DEPDC5: variants seen among roughly 807,000 people sequenced by gnomAD.
DEPDC5 encodes DEP domain containing 5, GATOR1 subcomplex subunit.
Under a neutral mutation model 217.3 loss-of-function variants are expected in DEPDC5, and 73 were observed. That is an observed-to-expected ratio of 0.34 (90% CI 0.28 to 0.41). DEPDC5 has a LOEUF of 0.41. DEPDC5 is among the 10% of genes least tolerant of loss of function. The pLI is 1.00. For synonymous variants in DEPDC5, 733 were observed against 756.7 expected, an observed-to-expected ratio of 0.97 and a Z score of 0.51; for missense variants, 1,675 against 2,070.1, an observed-to-expected ratio of 0.81 and a Z score of 3.70.
At chr22:31,766,793 C>T (rs1024287795) in intron 6 of DEPDC5, 125 bp downstream of exon 6, 8 of 777,864 alleles carry the variant, frequency 1.0e-5, no homozygotes, top group Admixed American at 5.3e-5. Context: ...CAATTATTGT[C>T]AACGTCTTCT....
At chr22:31,781,775 T>C (rs534835096) in intron 8 of DEPDC5, among the ~76,000 whole-genome samples, 1 of 152,290 alleles carries the variant, frequency 6.6e-6, no homozygotes, top group African/African-American at 2.4e-5. Context: ...GGCTCACGCC[T>C]GTAATCCCAG....
At chr22:31,812,742 CTTTT>C (rs569013035) in intron 20 of DEPDC5, among the ~76,000 whole-genome samples, 1 of 116,930 alleles carries the variant, frequency 8.6e-6, no homozygotes, top group Admixed American at 8.7e-5. Flanking sequence ...AGATTTCTTT[CTTTT>C]TTTTTTTTTT....
Position 31,846,985 on chromosome 22 carries a change from G to A in DEPDC5, c.3155+18G>A, listed in dbSNP as rs570709498. The A allele has an allele frequency of 6.2e-7, 1 of 1,614,244 alleles. No individual in the cohort carries two copies. The highest frequency in any genetic ancestry group is 1.1e-5 in the South Asian group (1 of 91,090). On this transcript the variant is annotated intron_variant, in intron 31 of 42. Coordinates refer to ENST00000651528, the MANE Select transcript of DEPDC5 (RefSeq NM_001242896.3). ...AGTCAGAAGTAAGTGCTTGGTGGAA[G>A]ACTGACTTGTCCCCACCTTGACAGC... is the stretch of plus-strand genomic sequence containing the variant.
chr22:31,822,200 AG>A lies in DEPDC5; in HGVS notation c.2007-492del, dbSNP rs537317717. ...AGTCATTTAAGCCTTGACAGGCGTG[AG>A]CCCGGGTTACACCTGGACTCAATAT... On this transcript the variant is annotated intron_variant, in intron 23 of 42. Transcript: ENST00000651528. 8.5e-5 allele frequency among the ~76,000 whole-genome samples: 13 copies of A among 152,360 alleles called. 1 individual carries two copies. In the South Asian group the frequency reaches 2.5e-3, roughly 29 times the overall value.
chr22:31,905,980 C>T lies in DEPDC5; in HGVS notation c.4437-4C>T. ...GATTAGCATGTCTTCCTGTCCTTCCCTAGGTTTGGGTTTGTACAAGATAAA... is the reference window on the plus strand; with the variant it reads ...GATTAGCATGTCTTCCTGTCCTTCCTTAGGTTTGGGTTTGTACAAGATAAA... On this transcript the variant is annotated splice_region_variant and splice_polypyrimidine_tract_variant and intron_variant, in intron 41 of 42. Coordinates refer to ENST00000651528, the MANE Select transcript of DEPDC5 (RefSeq NM_001242896.3). The T allele has an allele frequency of 6.2e-7, 1 of 1,613,870 alleles. No individual in the cohort carries two copies. Among genetic ancestry groups the T allele is most frequent in the Non-Finnish European group, 8.5e-7 (1 of 1,179,838 alleles).
rs114309448 is a variant in DEPDC5 at position 31,875,611 on chromosome 22, A to G, written c.3697-546A>G. 9.2e-3 allele frequency: 1,372 copies of G among 148,612 alleles called. 21 individuals carry two copies. Among genetic ancestry groups the G allele is most frequent in the African/African-American group, 0.031 (1,263 of 40,272 alleles). The allele number at this position is 148,612 out of a possible 1,614,324, so 9.2% of individuals were successfully genotyped here. On this transcript the variant is annotated intron_variant, in intron 36 of 42. Coordinates refer to ENST00000651528, the MANE Select transcript of DEPDC5 (RefSeq NM_001242896.3). ...AGTGTCAAATTTGTGAAAGTAGAAT[A>G]GTGGCATATGTGGATTTTTTTTTTT...
chr22:31,861,408 C>T lies in DEPDC5; in HGVS notation c.3305C>T (p.Thr1102Ile), dbSNP rs528786894. 1.3e-6 allele frequency: 2 copies of T among 1,551,644 alleles called. No individual in the cohort carries two copies. The highest frequency in any genetic ancestry group is 3.9e-5 in the Admixed American group (2 of 50,988). ...FFMEFVRSPR[T>I]ASSAFYPQVS... is the part of the protein sequence containing the mutation. Reference sequence around the variant, plus strand: ...ATGGAGTTTGTCCGCAGCCCACGCACAGCATCGTCCGCCTTCTACCCTCAG... The same window carrying T: ...ATGGAGTTTGTCCGCAGCCCACGCATAGCATCGTCCGCCTTCTACCCTCAG... Residue 1102 changes from threonine (T) to isoleucine (I), a missense_variant, in exon 33 of 43, where the codon ACA becomes ATA. By Grantham distance (89) the Thr-to-Ile change is moderately conservative. Transcript: ENST00000651528.
chr22:31,879,051 T>A (rs868344336), intron 37 of DEPDC5, among the ~76,000 whole-genome samples: 13,080 of 118,224 alleles, frequency 0.11, 820 homozygotes, highest in South Asian at 0.17. Flanking sequence ...AAAATATATA[T>A]ATATATATAT....
rs1284140815 is a variant in DEPDC5 at position 31,754,862 on chromosome 22, G to A, written c.-60G>A. On this transcript the variant is annotated splice_region_variant and 5_prime_UTR_variant, in exon 2 of 43. Coordinates refer to ENST00000651528, the MANE Select transcript of DEPDC5 (RefSeq NM_001242896.3). The stretch of plus-strand genomic sequence containing the variant: ...CTTTTCGTTTGTATTTCTGTGGCAG[G>A]GAGGCAAGATGACTTCTCTGCCCCA... The A allele has an allele frequency of 6.3e-7, 1 of 1,581,106 alleles. No homozygotes were observed. Among genetic ancestry groups the A allele is most frequent in the Admixed American group, 1.7e-5 (1 of 58,730 alleles).
chr22:31,891,542 C>T, intron 38 of DEPDC5: 1 of 172,646 alleles, frequency 5.8e-6, no homozygotes, highest in Non-Finnish European at 1.2e-5. Flanking sequence ...CTGGAGCTCT[C>T]CTGCCTTACA....
At chr22:31,768,043 C>A (rs2082979883) in intron 6 of DEPDC5, among the ~76,000 whole-genome samples, 1 of 151,378 alleles carries the variant, frequency 6.6e-6, no homozygotes, top group Non-Finnish European at 1.5e-5. Context: ...GTGCACCCGG[C>A]CCCATTTTTT....
In DEPDC5 at chr22:31,767,839, C is replaced by T. The variant is rs542968345; in HGVS notation, c.364-975C>T. Among the ~76,000 whole-genome samples the T allele has an allele frequency of 9.8e-4, 148 of 151,722 alleles. 1 individual carries two copies. In the South Asian group the frequency reaches 9.8e-3, roughly 10 times the overall value. On this transcript the variant is annotated intron_variant, in intron 6 of 42. Coordinates refer to ENST00000651528, the MANE Select transcript of DEPDC5 (RefSeq NM_001242896.3). The stretch of plus-strand genomic sequence containing the variant: ...TCTGCTCACTGCAAGCTCTGCCTCC[C>T]GGGTTCACCCATTCTTCTGCCTCAG...
chr22:31,815,858 G>T, intron 21 of DEPDC5: 1 of 1,116,978 alleles, frequency 9.0e-7, no homozygotes, highest in East Asian at 5.3e-5. Context: ...TTTTTGTTTA[G>T]CCTTTCTTCA....
intron 20 of DEPDC5, among the ~76,000 whole-genome samples, chr22:31,812,371 A>G (rs1602069468): frequency 1.4e-5 from 2 of 145,594 alleles, no homozygotes; most frequent in African/African-American, 5.1e-5. Flanking sequence ...GCTCTAGCTT[A>G]TATTTTTTTC....
Position 31,815,043 on chromosome 22 carries a change from T to A in DEPDC5, c.1497T>A (p.Asp499Glu), listed in dbSNP as rs1245088066. ...SHSRKSASSCDVSSSPSLPSR... is the reference protein window; with the variant it reads ...SHSRKSASSCEVSSSPSLPSR... ...GTCGAAAGAGTGCCAGCTCCTGTGA[T>A]GTTTCATCCAGCCCTTCCCTACCAA... Residue 499 changes from aspartate (D) to glutamate (E), a missense_variant, in exon 21 of 43, where the codon GAT (aspartate) becomes GAA (glutamate). Around this residue, in one of 11 missense-constraint regions of DEPDC5, gnomAD observed 628 missense variants for 762.1 expected, o/e 0.82. Coordinates refer to ENST00000651528, the MANE Select transcript of DEPDC5 (RefSeq NM_001242896.3). 6.2e-7 allele frequency: 1 copy of A among 1,614,158 alleles called. No individual in the cohort carries two copies.
intron 31 of DEPDC5, among the ~76,000 whole-genome samples, chr22:31,854,945 T>TAC (rs2092213138): frequency 6.6e-6 from 1 of 151,902 alleles, no homozygotes; most frequent in Non-Finnish European, 1.5e-5. Context: ...AAGGACTTAA[T>TAC]TGAGTCTTGC....
intron 36 of DEPDC5, 38 bp downstream of exon 36, chr22:31,874,443 A>G: frequency 1.9e-6 from 3 of 1,572,150 alleles, no homozygotes; most frequent in Non-Finnish European, 2.6e-6. Flanking sequence ...CTGTTTGCTT[A>G]GGTCCCGAAA....
intron 40 of DEPDC5, among the ~76,000 whole-genome samples, chr22:31,900,156 C>T (rs538024748): frequency 6.6e-6 from 1 of 152,192 alleles, no homozygotes; most frequent in Non-Finnish European, 1.5e-5. Flanking sequence ...AAGTGAGTCT[C>T]CTGCCACAGC....
At position 31,754,776 on chromosome 22, in the gene DEPDC5, CCAGTATCTTCACTGGCCTAAAAT is replaced by C. The variant is rs1201101680; in HGVS notation, c.-60-83_-60-61del. The C allele has an allele frequency of 7.2e-6, 6 of 832,278 alleles. No individual in the cohort carries two copies. In the African/African-American group the frequency reaches 8.4e-5, roughly 12 times the overall value. 51.6% of individuals were successfully genotyped at this position (832,278 alleles called of 1,614,324 possible). ...GGCACCACTTCACAGCAGAGGAACACCAGTATCTTCACTGGCCTAAAATCAAAGAGTGGTTGCAAGGAAAAATC... is the reference window on the plus strand; with the variant it reads ...GGCACCACTTCACAGCAGAGGAACACCAAAGAGTGGTTGCAAGGAAAAATC... On this transcript the variant is annotated intron_variant, in intron 1 of 42. Coordinates refer to ENST00000651528, the MANE Select transcript of DEPDC5 (RefSeq NM_001242896.3).
Sources: gnomAD v4.1 joint callset for allele counts (sites outside exome capture counted in the v4.1 genomes callset) on GRCh38, gnomAD v4.1.1 for gene constraint, gnomAD v4.1.1 regional missense constraint, MANE v1.5 for transcripts, NCBI Gene and HGNC (gene_info 2026-07-23, HGNC 2026-07-21) for gene names.